The following TEP1 variants were observed in gnomAD, a reference collection of about 807,000 sequenced individuals.
TEP1 encodes telomerase protein component 1.
In TEP1, 241 loss-of-function variants were observed where a neutral mutation model predicts 306.3. The ratio of observed to expected loss-of-function variants is 0.79; its 90% CI spans 0.71 to 0.88. TEP1 has a LOEUF of 0.88. Ranked by LOEUF, TEP1 falls within the 40% of genes least tolerant of loss-of-function variation. The pLI is 0.00. For synonymous variants in TEP1, 1,289 were observed against 1,305.5 expected (o/e 0.99, Z 0.27); for missense variants, 3,051 against 3,276.1 (o/e 0.93, Z 1.68).
In TEP1 at chr14:20,408,148, C is replaced by A; in HGVS notation, c.292G>T (p.Val98Phe). Residue 98 changes from valine to phenylalanine, a missense_variant, in exon 2 of 55, where the codon GTT (valine) becomes TTT (phenylalanine). By Grantham distance (50) the Val-to-Phe change is conservative. This residue lies in a region of TEP1 where 1,507 missense variants were observed against 1,550.5 expected (regional missense o/e 0.97). Coordinates refer to ENST00000262715, the MANE Select transcript of TEP1 (RefSeq NM_007110.5). The stretch of plus-strand genomic sequence containing the variant: ...GAGAGGATGTCTGGGTGGGCAGAAA[C>A]ATGTCCATGTGGTTTCTCCATGGTC... ...LKTMEKPHGH[V>F]SAHPDILSLE... 13 of 1,610,694 alleles carry A rather than the reference C, an allele frequency of 8.1e-6. No homozygotes were observed. Among genetic ancestry groups the A allele is most frequent in the Non-Finnish European group, 1.1e-5 (13 of 1,178,302 alleles).
chr14:20,379,898 G>A (rs369392288), intron 35 of TEP1, 32 bp downstream of exon 35: 47 of 1,594,612 alleles, frequency 2.9e-5, no homozygotes, highest in Middle Eastern at 1.7e-4. Flanking sequence ...GATTTTCAGA[G>A]GGTAAATTCT....
intron 35 of TEP1, among the ~76,000 whole-genome samples, chr14:20,379,404 C>G: frequency 6.6e-6 from 1 of 152,288 alleles, no homozygotes; most frequent in Admixed American, 6.5e-5. Flanking sequence ...TAGAAAGAGG[C>G]TGTGGTTCTA....
chr14:20,401,143 T>C lies in TEP1; in HGVS notation c.1392-2A>G. On this transcript the variant is annotated splice_acceptor_variant, in intron 8 of 54. Transcript: ENST00000262715. LOFTEE classifies it high-confidence loss of function. ...AAGAGCTGTAGGTTGGAGGGGTATC[T>C]GAGGATAGGTAAGAAAGAGGTCTAT... is the stretch of plus-strand genomic sequence containing the variant. 5.0e-6 allele frequency: 8 copies of C among 1,613,688 alleles called. No homozygotes were observed. Among genetic ancestry groups the C allele is most frequent in the Non-Finnish European group, 6.8e-6 (8 of 1,179,924 alleles).
chr14:20,368,985 C>T (rs1446860058), intron 53 of TEP1, 83 bp from the exon 54 acceptor site: 1 of 930,958 alleles, frequency 1.1e-6, no homozygotes. Flanking sequence ...TGTGTCAGAC[C>T]TACAGCCCTC....
rs548257852 is a variant in TEP1 at position 20,386,568 on chromosome 14, G to A, written c.2740C>T (p.Arg914Trp). Reference sequence around the variant, plus strand: ...AGCACAGACCTCAGCAGCAGGTCCCGCTCCCCATGCATGTCTCGGAAAGTG... The same window carrying A: ...AGCACAGACCTCAGCAGCAGGTCCCACTCCCCATGCATGTCTCGGAAAGTG... ...SSTFRDMHGERDLLLRSVLPA... is the reference protein window; with the variant it reads ...SSTFRDMHGEWDLLLRSVLPA... Residue 914 changes from arginine (R) to tryptophan (W), a missense_variant, in exon 19 of 55, where the codon CGG (arginine) becomes TGG (tryptophan). By Grantham distance (101) the Arg-to-Trp change is moderately radical. Around this residue, in one of 3 missense-constraint regions of TEP1, gnomAD observed 1,507 missense variants for 1,550.5 expected, o/e 0.97. Transcript: ENST00000262715. The A allele has an allele frequency of 1.2e-5, 20 of 1,611,358 alleles. No homozygotes were observed. Among genetic ancestry groups the A allele is most frequent in the East Asian group, 2.2e-5 (1 of 44,778 alleles).
chr14:20,380,122 T>C (rs1371929926), intron 34 of TEP1, 69 bp from the exon 35 acceptor site: 6 of 1,585,456 alleles, frequency 3.8e-6, no homozygotes, highest in East Asian at 4.5e-5. Flanking sequence ...ATTTATGTGC[T>C]TCTGTGCCTG....
rs755585539 is a variant in TEP1, at chr14:20,395,458, G to T, written c.1920C>A (p.His640Gln). 6.3e-7 allele frequency: 1 copy of T among 1,593,286 alleles called. No individual in the cohort carries two copies. Among genetic ancestry groups the T allele is most frequent in the Non-Finnish European group, 8.6e-7 (1 of 1,163,948 alleles). Reference protein sequence around the residue: ...EQLKREKLRVHKARQWKYDGE... With the variant: ...EQLKREKLRVQKARQWKYDGE... ...AGACAGTGCATACATACCTGGCCTT[G>T]TGTACTCTCAGCTTCTCCCTCTTGA... Residue 640 changes from histidine to glutamine, a missense_variant, in exon 12 of 55, where the codon CAC (histidine) becomes CAA (glutamine). This residue lies in a region of TEP1 where 1,507 missense variants were observed against 1,550.5 expected (regional missense o/e 0.97). Transcript: ENST00000262715.
At chr14:20,400,339 A>G (rs1299010342) in intron 9 of TEP1, among the ~76,000 whole-genome samples, 1 of 151,266 alleles carries the variant, frequency 6.6e-6, no homozygotes, top group Non-Finnish European at 1.5e-5. Flanking sequence ...TAATTCCAGC[A>G]CTTTGGGAGG....
chr14:20,389,611 GGTATTGT>G lies in TEP1; in HGVS notation c.2457_2463del (p.Gln820CysfsTer5). The stretch of plus-strand genomic sequence containing the variant: ...GGCAGGAAGTATAAGCACCCTTACA[GGTATTGT>G]ACCCTTCTTAGGAGGATACCAACAA... On this transcript the variant is annotated frameshift_variant and splice_region_variant, in exon 16 of 55. Coordinates refer to ENST00000262715, the MANE Select transcript of TEP1 (RefSeq NM_007110.5). LOFTEE classifies it high-confidence loss of function. The G allele has an allele frequency of 1.9e-6, 3 of 1,614,072 alleles. No homozygotes were observed. Among genetic ancestry groups the G allele is most frequent in the Non-Finnish European group, 2.5e-6 (3 of 1,179,978 alleles).
intron 13 of TEP1, among the ~76,000 whole-genome samples, chr14:20,391,327 G>T (rs572984577): frequency 2.0e-5 from 3 of 152,356 alleles, no homozygotes; most frequent in Admixed American, 6.5e-5. Flanking sequence ...GTAGTGAGGT[G>T]AAAGTGAGAC....
At chr14:20,394,335 ACT>A (rs1039330063) in intron 12 of TEP1, among the ~76,000 whole-genome samples, 1 of 151,902 alleles carries the variant, frequency 6.6e-6, no homozygotes, top group Non-Finnish European at 1.5e-5. Context: ...AATATTTCAC[ACT>A]CTTTTTTCAG....
In TEP1 at chr14:20,377,636, G is replaced by A. The variant is rs200869389; in HGVS notation, c.5839C>T (p.Arg1947Ter). The change falls in exon 40 of 55, where the codon CGA (arginine) becomes TGA (stop). Residue 1947 changes from arginine to a stop codon, truncating the protein, a stop_gained. Coordinates refer to ENST00000262715, the MANE Select transcript of TEP1 (RefSeq NM_007110.5). LOFTEE classifies it high-confidence loss of function. ...PDGDRVAVGY[R>*]ADGIRIYKIS... ...TTGTAGATCCTAATGCCATCCGCTCGATATCCAACAGCCACCCGATCACCA... is the reference window on the plus strand; with the variant it reads ...TTGTAGATCCTAATGCCATCCGCTCAATATCCAACAGCCACCCGATCACCA... 15 of 1,613,962 alleles carry A rather than the reference G, an allele frequency of 9.3e-6. No individual in the cohort carries two copies. Among genetic ancestry groups the A allele is most frequent in the Middle Eastern group, 1.6e-4 (1 of 6,084 alleles).
At chr14:20,409,417 T>C (rs1879453416) in intron 1 of TEP1, among the ~76,000 whole-genome samples, 1 of 152,244 alleles carries the variant, frequency 6.6e-6, no homozygotes, top group Admixed American at 6.5e-5. Context: ...GACATTTCTA[T>C]GCTGGCGACT....
intron 1 of TEP1, among the ~76,000 whole-genome samples, chr14:20,412,390 G>C (rs1167542791): frequency 1.3e-5 from 2 of 152,104 alleles, no homozygotes; most frequent in Non-Finnish European, 2.9e-5. Flanking sequence ...TCATTTTATT[G>C]TTTTGCACCC....
intron 28 of TEP1, 87 bp from the exon 29 acceptor site, chr14:20,382,443 C>T: frequency 6.4e-7 from 1 of 1,551,228 alleles, no homozygotes; most frequent in East Asian, 2.3e-5. Context: ...AGCAGGAGGA[C>T]AGTGTGGAGG....
intron 1 of TEP1, among the ~76,000 whole-genome samples, chr14:20,410,327 G>A (rs979993469): frequency 6.6e-6 from 1 of 152,060 alleles, no homozygotes; most frequent in African/African-American, 2.4e-5. Flanking sequence ...CCCTGCTAGA[G>A]CCAGATGTGG....
chr14:20,369,216 G>T, intron 53 of TEP1, 128 bp downstream of exon 53: 1 of 927,034 alleles, frequency 1.1e-6, no homozygotes, highest in Non-Finnish European at 1.7e-6. Flanking sequence ...CACCGTGTTA[G>T]CCAGGATGGT....
intron 42 of TEP1, 56 bp from the exon 43 acceptor site, chr14:20,375,924 C>G (rs61351655): frequency 1.0e-4 from 158 of 1,522,606 alleles, no homozygotes; most frequent in Middle Eastern, 1.8e-4. Context: ...ATGGGAACCC[C>G]GGAGCCATTT....
intron 35 of TEP1, among the ~76,000 whole-genome samples, chr14:20,379,684 G>A (rs1885412637): frequency 6.6e-6 from 1 of 152,182 alleles, no homozygotes; most frequent in Non-Finnish European, 1.5e-5. Context: ...ACCACTTGGT[G>A]GGCAATGACA....
Sources: gnomAD v4.1 joint callset for allele counts (sites outside exome capture counted in the v4.1 genomes callset) on GRCh38, gnomAD v4.1.1 for gene constraint, gnomAD v4.1.1 regional missense constraint, MANE v1.5 for transcripts, NCBI Gene and HGNC (gene_info 2026-07-23, HGNC 2026-07-21) for gene names.